CCSER1: variants seen among roughly 807,000 people sequenced by gnomAD.
CCSER1 encodes the protein coiled-coil serine rich protein 1, also known as serine-rich coiled-coil domain-containing protein 1.
CCSER1 carries 41 observed loss-of-function variants against 82.0 expected under a neutral mutation model. That is an observed-to-expected ratio of 0.50 (90% CI 0.39 to 0.65). The LOEUF (loss-of-function observed/expected upper bound fraction) is 0.65, where lower values mean the gene tolerates loss of function less well. Ranked by LOEUF, CCSER1 falls within the 30% of genes least tolerant of loss-of-function variation. The pLI is 0.00. For missense variants in CCSER1, 1,119 were observed against 1,064.2 expected (o/e 1.05, Z -0.72); for synonymous variants, 414 against 383.9 (o/e 1.08, Z -0.92).
chr4:91,515,295 C>G (rs536099468), intron 10 of CCSER1, among the ~76,000 whole-genome samples: 41 of 152,162 alleles, frequency 2.7e-4, no homozygotes, highest in Non-Finnish European at 5.1e-4. Context: ...TACAGACTGT[C>G]TCATCACGCA....
chr4:90,928,452 A>G (rs913227498), intron 9 of CCSER1, among the ~76,000 whole-genome samples: 8 of 152,118 alleles, frequency 5.3e-5, no homozygotes, highest in Admixed American at 3.9e-4. Context: ...TCCTTGGAAT[A>G]TATCCTTTAA....
At chr4:90,350,360 C>T (rs1046939679) in intron 3 of CCSER1, among the ~76,000 whole-genome samples, 1 of 151,978 alleles carries the variant, frequency 6.6e-6, no homozygotes, top group African/African-American at 2.4e-5. Flanking sequence ...TTTCCCATTA[C>T]TATGAGGAAT....
chr4:91,570,848 A>T (rs774605982), intron 10 of CCSER1, among the ~76,000 whole-genome samples: 3 of 152,158 alleles, frequency 2.0e-5, no homozygotes, highest in Non-Finnish European at 4.4e-5. Context: ...AGGGGTATTG[A>T]ATTTCTCCTC....
intron 10 of CCSER1, among the ~76,000 whole-genome samples, chr4:91,201,504 T>G (rs1490631194): frequency 6.6e-6 from 1 of 152,070 alleles, no homozygotes; most frequent in Non-Finnish European, 1.5e-5. Context: ...AAATGAACAT[T>G]TATACAGGTC....
intron 5 of CCSER1, among the ~76,000 whole-genome samples, chr4:90,613,638 A>G (rs1720662574): frequency 6.6e-6 from 1 of 152,178 alleles, no homozygotes; most frequent in Non-Finnish European, 1.5e-5. Context: ...AAGAATCACT[A>G]TCTATGGCAG....
chr4:91,369,791 C>T (rs1257005157), intron 10 of CCSER1, among the ~76,000 whole-genome samples: 4 of 150,294 alleles, frequency 2.7e-5, no homozygotes, highest in East Asian at 4.0e-4. Flanking sequence ...GCCTCAGCCT[C>T]CCAAGTAGCT....
intron 8 of CCSER1, among the ~76,000 whole-genome samples, chr4:90,890,621 C>G (rs1413454284): frequency 6.6e-6 from 1 of 152,122 alleles, no homozygotes; most frequent in African/African-American, 2.4e-5. Flanking sequence ...TGAGATTTCC[C>G]TTTCTCCAGA....
chr4:90,618,123 A>C (rs1687583841), intron 5 of CCSER1, among the ~76,000 whole-genome samples: 1 of 152,006 alleles, frequency 6.6e-6, no homozygotes, highest in Non-Finnish European at 1.5e-5. Context: ...TGTAGGTTTT[A>C]TTAATCTTTC....
intron 9 of CCSER1, among the ~76,000 whole-genome samples, chr4:90,977,741 C>T (rs1735737457): frequency 6.6e-6 from 1 of 151,524 alleles, no homozygotes; most frequent in Non-Finnish European, 1.5e-5. Flanking sequence ...ATCTGCCTTC[C>T]CACTCCCACT....
rs566540262 is a variant in CCSER1 at position 90,836,253 on chromosome 4, A to C, written c.2094+20408A>C. On this transcript the variant is annotated intron_variant, in intron 8 of 10. Coordinates refer to ENST00000509176, the MANE Select transcript of CCSER1 (RefSeq NM_001145065.2). ...CATGATCAGTGTGCACTCAGAACAG[A>C]CATTTAGATCAAACTAACCTTTGGG... 7.6e-4 allele frequency among the ~76,000 whole-genome samples: 116 copies of C among 152,292 alleles called. 2 individuals are homozygous for C. Among genetic ancestry groups the C allele is most frequent in the Admixed American group, 1.7e-3 (26 of 15,296 alleles).
intron 10 of CCSER1, among the ~76,000 whole-genome samples, chr4:91,334,768 G>T (rs752390966): frequency 1.3e-5 from 2 of 152,044 alleles, no homozygotes; most frequent in Non-Finnish European, 2.9e-5. Context: ...AGTTGAGTGG[G>T]ACAGTTTCCC....
chr4:90,487,787 A>G (rs1767340535), intron 5 of CCSER1, among the ~76,000 whole-genome samples: 1 of 152,114 alleles, frequency 6.6e-6, no homozygotes, highest in African/African-American at 2.4e-5. Context: ...AACTACAGGC[A>G]CAAGCCACTA....
intron 10 of CCSER1, among the ~76,000 whole-genome samples, chr4:91,414,337 TAA>T (rs1753229379): frequency 6.6e-6 from 1 of 152,116 alleles, no homozygotes; most frequent in South Asian, 2.1e-4. Flanking sequence ...CAATTGAAGT[TAA>T]GTTGTTATTT....
intron 9 of CCSER1, among the ~76,000 whole-genome samples, chr4:90,960,351 T>C (rs141238038): frequency 6.6e-6 from 1 of 152,154 alleles, no homozygotes; most frequent in South Asian, 2.1e-4. Flanking sequence ...GTTTCTAACC[T>C]TTGCACCACT....
intron 10 of CCSER1, among the ~76,000 whole-genome samples, chr4:91,102,723 T>A (rs1027230523): frequency 3.3e-5 from 5 of 152,226 alleles, no homozygotes; most frequent in African/African-American, 1.2e-4. Context: ...TTTTTGTGTG[T>A]GCAACTGATC....
intron 5 of CCSER1, among the ~76,000 whole-genome samples, chr4:90,546,691 T>A (rs1197901059): frequency 6.6e-6 from 1 of 152,104 alleles, no homozygotes; most frequent in Admixed American, 6.6e-5. Context: ...AGATACTGAT[T>A]TTCTTTTTAC....
chr4:90,318,295 T>G (rs1217896136), intron 3 of CCSER1, among the ~76,000 whole-genome samples: 1 of 152,210 alleles, frequency 6.6e-6, no homozygotes, highest in East Asian at 1.9e-4. Flanking sequence ...CTTTACTATT[T>G]TTGTAAGTAT....
chr4:90,888,458 T>G (rs570886285), intron 8 of CCSER1, among the ~76,000 whole-genome samples: 17 of 152,142 alleles, frequency 1.1e-4, no homozygotes, highest in Non-Finnish European at 1.9e-4. Context: ...TCCTTTCTAT[T>G]TTCTGAAAAT....
At chr4:91,475,085 T>C (rs765440606) in intron 10 of CCSER1, among the ~76,000 whole-genome samples, 1 of 151,796 alleles carries the variant, frequency 6.6e-6, no homozygotes, top group Non-Finnish European at 1.5e-5. Flanking sequence ...TCATAGAGTC[T>C]CTACTGTTAC....
Sources: gnomAD v4.1 joint callset for allele counts (sites outside exome capture counted in the v4.1 genomes callset) on GRCh38, gnomAD v4.1.1 for gene constraint, MANE v1.5 for transcripts, NCBI Gene and HGNC (gene_info 2026-07-23, HGNC 2026-07-21) for gene names.